ATP13A5: variants seen among roughly 807,000 people sequenced by gnomAD.
ATP13A5 encodes probable cation-transporting ATPase 13A5.
Under a neutral mutation model 150.2 loss-of-function variants are expected in ATP13A5, and 149 were observed. The ratio of observed to expected loss-of-function variants is 0.99; its 90% CI spans 0.87 to 1.14. ATP13A5 has a LOEUF of 1.14. Among genes scored for constraint, ATP13A5 ranks in the 50% most tolerant of loss-of-function variants. The probability of loss-of-function intolerance (pLI) is 0.00; values close to 1 mark genes in which losing one functional copy is unlikely to be tolerated. For synonymous variants in ATP13A5, 497 were observed against 522.2 expected, an observed-to-expected ratio of 0.95 and a Z score of 0.66; for missense variants, 1,383 against 1,449.3, an observed-to-expected ratio of 0.95 and a Z score of 0.74.
chr3:193,286,000 T>G (rs1307937636), intron 26 of ATP13A5, among the ~76,000 whole-genome samples: 1 of 152,230 alleles, frequency 6.6e-6, no homozygotes, highest in African/African-American at 2.4e-5. Flanking sequence ...TGGTTTTGTT[T>G]TTTGGTTTTA....
At position 193,310,683 on chromosome 3, in the gene ATP13A5, G is replaced by C. The variant is rs1297049977; in HGVS notation, c.2480C>G (p.Ser827Cys). 4 of 1,610,082 alleles carry C rather than the reference G, an allele frequency of 2.5e-6. No homozygotes were observed. The highest frequency in any genetic ancestry group is 3.4e-6 in the Non-Finnish European group (4 of 1,179,076). Residue 827 changes from serine (S) to cysteine (C), a missense_variant, in exon 21 of 30, where the codon TCT becomes TGT. Coordinates refer to ENST00000342358, the MANE Select transcript of ATP13A5 (RefSeq NM_198505.4). ...LVNGTVFARM[S>C]PGQKSSLIEE... ...AATAAGGCTTGATTTCTGCCCAGGA[G>C]ACATTCTTGCAAAAACTGTTCCATT...
intron 27 of ATP13A5, among the ~76,000 whole-genome samples, chr3:193,282,382 T>C (rs1217750539): frequency 3.4e-4 from 47 of 139,820 alleles, no homozygotes; most frequent in Non-Finnish European, 1.1e-4. Flanking sequence ...GATTAGTTTC[T>C]TTTTTTTTTT....
At chr3:193,360,044 T>A (rs1054347367) in intron 5 of ATP13A5, among the ~76,000 whole-genome samples, 16 of 152,234 alleles carry the variant, frequency 1.1e-4, no homozygotes, top group African/African-American at 3.9e-4. Flanking sequence ...ATTTTTATTT[T>A]TCCCTTATGG....
rs1425470779 is a variant in ATP13A5 at position 193,299,179 on chromosome 3, GGTAATTTCCAAAGA to G, written c.2786_2799del (p.Leu929ProfsTer30). The G allele has an allele frequency of 6.2e-7, 1 of 1,609,920 alleles. No individual in the cohort carries two copies. The highest frequency in any genetic ancestry group is 1.3e-5 in the African/African-American group (1 of 74,694). ...ATGGCTACATCTTGCATGAGATACT[GGTAATTTCCAAAGA>G]GTTGTAGTTGCTGAAAAAGAAACAA... On this transcript the variant is annotated frameshift_variant, in exon 25 of 30. Transcript: ENST00000342358. LOFTEE classifies it high-confidence loss of function.
chr3:193,375,403 T>G (rs1317460218), intron 1 of ATP13A5, among the ~76,000 whole-genome samples: 1 of 152,128 alleles, frequency 6.6e-6, no homozygotes, highest in African/African-American at 2.4e-5. Flanking sequence ...GGGTCTTATG[T>G]TTTGAAGGCT....
intron 2 of ATP13A5, 82 bp from the exon 3 acceptor site, chr3:193,363,464 A>T: frequency 7.5e-7 from 1 of 1,336,506 alleles, no homozygotes. Context: ...ACCAAGTGGT[A>T]CAAAACTTTG....
At position 193,274,974 on chromosome 3, in the gene ATP13A5, C is replaced by A. The variant is rs538945700; in HGVS notation, c.*68G>T. 3.2e-5 allele frequency: 50 copies of A among 1,568,512 alleles called. No individual in the cohort carries two copies. Among genetic ancestry groups the A allele is most frequent in the Middle Eastern group, 3.5e-4 (2 of 5,740 alleles). On this transcript the variant is annotated 3_prime_UTR_variant, in exon 30 of 30. Transcript: ENST00000342358. ...GAAAGGTAAGGGGAGAGTATCATCA[C>A]TTCTCCACAATGTGTTAATTTTGGG...
At chr3:193,292,100 G>A (rs963860260) in intron 25 of ATP13A5, among the ~76,000 whole-genome samples, 15 of 152,046 alleles carry the variant, frequency 9.9e-5, no homozygotes, top group African/African-American at 3.6e-4. Flanking sequence ...AATCTGTAAA[G>A]TTTGGCCTAA....
intron 1 of ATP13A5, among the ~76,000 whole-genome samples, chr3:193,368,303 C>A (rs1713320113): frequency 6.6e-6 from 1 of 151,660 alleles, no homozygotes; most frequent in African/African-American, 2.4e-5. Context: ...CATATCATCG[C>A]CAAGAGAAAG....
rs151014541 is a variant in ATP13A5 at position 193,365,858 on chromosome 3, A to G, written c.64-1578T>C. ...AAAAAACAAACTCACAATGCTAGTA[A>G]GACTGCAATGAAAGCACTACAGCTA... is the stretch of plus-strand genomic sequence containing the variant. On this transcript the variant is annotated intron_variant, in intron 1 of 29. Transcript: ENST00000342358. Among the ~76,000 whole-genome samples, 19 of 152,212 alleles carry G rather than the reference A, an allele frequency of 1.2e-4. No individual in the cohort carries two copies. The East Asian group carries it at 3.7e-3, about 29-fold the overall frequency.
chr3:193,378,492 C>A (rs1430258554), intron 1 of ATP13A5, among the ~76,000 whole-genome samples, 171 bp downstream of exon 1: 1 of 152,164 alleles, frequency 6.6e-6, no homozygotes, highest in Non-Finnish European at 1.5e-5. Flanking sequence ...GCAGGTTTCC[C>A]CACAATAAAA....
intron 12 of ATP13A5, among the ~76,000 whole-genome samples, chr3:193,330,341 C>G (rs1008103812): frequency 1.3e-5 from 2 of 152,370 alleles, no homozygotes; most frequent in Non-Finnish European, 2.9e-5. Flanking sequence ...TTATGGGACT[C>G]TCTACCAGCA....
In ATP13A5 at chr3:193,279,438, C is replaced by T. The variant is rs1274094169; in HGVS notation, c.3243G>A (p.Leu1081=). 6.2e-7 allele frequency: 1 copy of T among 1,613,310 alleles called. No individual in the cohort carries two copies. Among genetic ancestry groups the T allele is most frequent in the South Asian group, 1.1e-5 (1 of 91,044 alleles). Residue 1081 remains leucine (L), a synonymous_variant, in exon 28 of 30, where the codon CTG becomes CTA. Coordinates refer to ENST00000342358, the MANE Select transcript of ATP13A5 (RefSeq NM_198505.4). ...TTGTGAGGCCCAAGGCAGCTAGCAG[C>T]AGAAATGAAAATATATCTGAGGAAA... is the stretch of plus-strand genomic sequence containing the variant. The part of the protein sequence containing the change: ...PIYTNYIFSF[L]LLAALGLTIF...
chr3:193,276,065 C>A (rs1437169066), intron 29 of ATP13A5, among the ~76,000 whole-genome samples: 1 of 152,088 alleles, frequency 6.6e-6, no homozygotes, highest in African/African-American at 2.4e-5. Flanking sequence ...TAGTATTTTT[C>A]TCTTCTTTTG....
chr3:193,374,608 G>A (rs1172423204), intron 1 of ATP13A5, among the ~76,000 whole-genome samples: 1 of 146,600 alleles, frequency 6.8e-6, no homozygotes, highest in Admixed American at 6.9e-5. Context: ...TCACACCACT[G>A]CACTCCAGCC....
At chr3:193,322,751 G>A (rs1719330558) in intron 14 of ATP13A5, among the ~76,000 whole-genome samples, 177 bp from the exon 15 acceptor site, 2 of 151,928 alleles carry the variant, frequency 1.3e-5, no homozygotes, top group South Asian at 4.2e-4. Flanking sequence ...TTATATTAGG[G>A]GCCTTATTGT....
At chr3:193,292,648 T>C (rs144369638) in intron 25 of ATP13A5, among the ~76,000 whole-genome samples, 136 of 152,220 alleles carry the variant, frequency 8.9e-4, no homozygotes, top group African/African-American at 3.1e-3. Flanking sequence ...TAGACCTGAA[T>C]CAAATCCAAA....
rs576899187 is a variant in ATP13A5, at chr3:193,359,631, T to C, written c.536+2750A>G. ...TCACTAAATCAACGGGGAGCCTCTCTTCCCAGCTTTGCATTCAGTGATGTC... is the reference window on the plus strand; with the variant it reads ...TCACTAAATCAACGGGGAGCCTCTCCTCCCAGCTTTGCATTCAGTGATGTC... On this transcript the variant is annotated intron_variant, in intron 5 of 29. Coordinates refer to ENST00000342358, the MANE Select transcript of ATP13A5 (RefSeq NM_198505.4). Among the ~76,000 whole-genome samples, 7 of 152,348 alleles carry C rather than the reference T, an allele frequency of 4.6e-5. No homozygotes were observed. The East Asian group carries it at 9.6e-4, about 21-fold the overall frequency.
At chr3:193,281,404 A>C (rs1004314173) in intron 27 of ATP13A5, among the ~76,000 whole-genome samples, 1 of 152,214 alleles carries the variant, frequency 6.6e-6, no homozygotes, top group Non-Finnish European at 1.5e-5. Flanking sequence ...GATTGAAAAG[A>C]TGTAATAAAG....
Sources: gnomAD v4.1 joint callset for allele counts (sites outside exome capture counted in the v4.1 genomes callset) on GRCh38, gnomAD v4.1.1 for gene constraint, MANE v1.5 for transcripts, NCBI Gene and HGNC (gene_info 2026-07-23, HGNC 2026-07-21) for gene names.